TMTC2: variants seen among roughly 807,000 people sequenced by gnomAD.
The protein encoded by TMTC2 is transmembrane O-mannosyltransferase targeting cadherins 2, also known as protein O-mannosyl-transferase TMTC2.
TMTC2 carries 43 observed loss-of-function variants against 82.4 expected under a neutral mutation model. The ratio of observed to expected loss-of-function variants is 0.52; its 90% CI spans 0.41 to 0.67. The LOEUF (loss-of-function observed/expected upper bound fraction) is 0.67, where lower values mean the gene tolerates loss of function less well. Ranked by LOEUF, TMTC2 falls within the 30% of genes least tolerant of loss-of-function variation. The pLI is 0.00. For missense variants in TMTC2, 919 were observed against 1,012.4 expected, an observed-to-expected ratio of 0.91 and a Z score of 1.25; for synonymous variants, 408 against 381.9, an observed-to-expected ratio of 1.07 and a Z score of -0.80.
intron 7 of TMTC2, among the ~76,000 whole-genome samples, chr12:82,975,745 C>G (rs1032124): frequency 0.91 from 138,211 of 151,820 alleles, 63,040 homozygotes; most frequent in East Asian, 1. Context: ...TTCCATTACA[C>G]TCTTTTGACT....
At chr12:82,985,801 T>G in intron 7 of TMTC2, 124 bp from the exon 8 acceptor site, 1 of 1,231,280 alleles carries the variant, frequency 8.1e-7, no homozygotes, top group South Asian at 1.7e-5. Flanking sequence ...AGAACATGAA[T>G]GAAAGTACTT....
intron 9 of TMTC2, among the ~76,000 whole-genome samples, chr12:83,045,668 A>T (rs1195278308): frequency 1.5e-5 from 2 of 135,956 alleles, no homozygotes; most frequent in African/African-American, 5.4e-5. Flanking sequence ...CAATGCTGTT[A>T]TAGATAGCTG....
At chr12:83,058,644 A>G (rs1338947687) in intron 10 of TMTC2, among the ~76,000 whole-genome samples, 1 of 151,840 alleles carries the variant, frequency 6.6e-6, no homozygotes, top group Non-Finnish European at 1.5e-5. Context: ...TAAACGGAGC[A>G]AGTTGCCCAT....
chr12:82,800,721 C>T (rs914241357), intron 1 of TMTC2, among the ~76,000 whole-genome samples: 1 of 152,116 alleles, frequency 6.6e-6, no homozygotes, highest in Non-Finnish European at 1.5e-5. Context: ...CACCTCCACA[C>T]TTTTTTTGCA....
At chr12:82,695,705 A>T (rs1430861248) in intron 1 of TMTC2, among the ~76,000 whole-genome samples, 1 of 152,220 alleles carries the variant, frequency 6.6e-6, no homozygotes, top group Non-Finnish European at 1.5e-5. Context: ...TAGAAGTGAC[A>T]TCCCTGCAAA....
In TMTC2 at chr12:83,132,941, G is replaced by A. The variant is rs1885312651; in HGVS notation, c.*552G>A. 1 of 152,722 alleles carries A rather than the reference G, an allele frequency of 6.5e-6. No homozygotes were observed. The highest frequency in any genetic ancestry group is 1.5e-5 in the Non-Finnish European group (1 of 68,470). The allele number at this position is 152,722 out of a possible 1,614,324, so 9.5% of individuals were successfully genotyped here. A position where few individuals can be genotyped will look rare whatever the true frequency, so the allele number is the denominator to read the frequency against. Reference sequence around the variant, plus strand: ...TTTTTTTAATACTGTGTCAAGATCTGTCAGAATCTGCTATGTTTCTTGACC... The same window carrying A: ...TTTTTTTAATACTGTGTCAAGATCTATCAGAATCTGCTATGTTTCTTGACC... On this transcript the variant is annotated 3_prime_UTR_variant, in exon 12 of 12. Transcript: ENST00000321196.
intron 1 of TMTC2, among the ~76,000 whole-genome samples, chr12:82,821,655 G>T (rs990255201): frequency 1.3e-5 from 2 of 152,120 alleles, no homozygotes; most frequent in Admixed American, 6.5e-5. Context: ...GATGGATCAT[G>T]AGGTCAGGAG....
chr12:82,834,217 G>A (rs924318800), intron 1 of TMTC2, among the ~76,000 whole-genome samples: 1 of 152,214 alleles, frequency 6.6e-6, no homozygotes, highest in Non-Finnish European at 1.5e-5. Context: ...TTACATGAAT[G>A]TGGCAGATAT....
intron 4 of TMTC2, among the ~76,000 whole-genome samples, chr12:82,936,645 T>A (rs997531528): frequency 6.6e-6 from 1 of 152,070 alleles, no homozygotes; most frequent in Non-Finnish European, 1.5e-5. Flanking sequence ...AAAAATATCA[T>A]CTCTAGAAAT....
chr12:83,119,867 A>G (rs1884892158), intron 11 of TMTC2, among the ~76,000 whole-genome samples: 1 of 152,166 alleles, frequency 6.6e-6, no homozygotes, highest in Non-Finnish European at 1.5e-5. Flanking sequence ...TTTCTGTTGG[A>G]CAAGGCTTTT....
At chr12:82,872,814 C>T (rs1351153528) in intron 2 of TMTC2, among the ~76,000 whole-genome samples, 3 of 152,126 alleles carry the variant, frequency 2.0e-5, no homozygotes, top group Admixed American at 1.3e-4. Context: ...TTCCCTTATT[C>T]AATATCCAAA....
intron 11 of TMTC2, among the ~76,000 whole-genome samples, chr12:83,107,418 A>G (rs1385496594): frequency 6.6e-6 from 1 of 152,178 alleles, no homozygotes; most frequent in African/African-American, 2.4e-5. Context: ...ATAACATGGC[A>G]GGGGTATCAC....
chr12:82,920,587 T>TGAA (rs961279571), intron 3 of TMTC2, among the ~76,000 whole-genome samples: 2 of 152,224 alleles, frequency 1.3e-5, no homozygotes, highest in Non-Finnish European at 2.9e-5. Flanking sequence ...AATATCAATG[T>TGAA]GAAGGGCCCT....
chr12:83,032,278 T>G (rs1322189214), intron 9 of TMTC2, among the ~76,000 whole-genome samples: 7 of 125,448 alleles, frequency 5.6e-5, no homozygotes, highest in African/African-American at 2.1e-4. Context: ...TATATATATA[T>G]ATATATATAT....
At chr12:82,908,246 T>A (rs1004052994) in intron 3 of TMTC2, among the ~76,000 whole-genome samples, 2 of 152,236 alleles carry the variant, frequency 1.3e-5, no homozygotes, top group Admixed American at 1.3e-4. Flanking sequence ...ATATCTATTC[T>A]GTAGCTTATT....
intron 8 of TMTC2, 54 bp downstream of exon 8, chr12:82,986,100 G>A: frequency 6.2e-7 from 1 of 1,612,124 alleles, no homozygotes. Context: ...ATGCAGACCG[G>A]GATAGATGGG....
At chr12:82,956,738 G>A (rs1267336224) in intron 4 of TMTC2, among the ~76,000 whole-genome samples, 2 of 152,110 alleles carry the variant, frequency 1.3e-5, no homozygotes, top group Admixed American at 1.3e-4. Flanking sequence ...ACAGGGATGA[G>A]CCACTGCACC....
intron 11 of TMTC2, among the ~76,000 whole-genome samples, chr12:83,089,716 C>A (rs1359923886): frequency 6.6e-6 from 1 of 151,746 alleles, no homozygotes; most frequent in Non-Finnish European, 1.5e-5. Flanking sequence ...CAGTGGTGAG[C>A]AACAGGAGAT....
intron 4 of TMTC2, among the ~76,000 whole-genome samples, chr12:82,935,785 G>A (rs1876283516): frequency 6.6e-6 from 1 of 152,076 alleles, no homozygotes; most frequent in Admixed American, 6.5e-5. Flanking sequence ...TATGTCTGTT[G>A]ATGATAGAGA....
Sources: gnomAD v4.1 joint callset for allele counts (sites outside exome capture counted in the v4.1 genomes callset) on GRCh38, gnomAD v4.1.1 for gene constraint, MANE v1.5 for transcripts, NCBI Gene and HGNC (gene_info 2026-07-23, HGNC 2026-07-21) for gene names.